The following FASN variants were observed in gnomAD, a reference collection of about 807,000 sequenced individuals.
FASN encodes the protein 3-hydroxyacyl-[acyl-carrier-protein] dehydratase.
A neutral mutation model predicts 250.0 loss-of-function variants in FASN; 50 were observed. The ratio of observed to expected loss-of-function variants is 0.20; its 90% CI spans 0.16 to 0.25. The LOEUF (loss-of-function observed/expected upper bound fraction) is 0.25. Among genes scored for constraint, FASN ranks in the 10% least tolerant of loss-of-function variants. The pLI is 1.00. For synonymous variants in FASN, 1,909 were observed against 1,584.0 expected (o/e 1.21, Z -4.87); for missense variants, 3,031 against 3,498.5 (o/e 0.87, Z 3.37).
chr17:82,087,001 C>T (rs780567268), intron 21 of FASN, 49 bp downstream of exon 21: 4 of 1,587,680 alleles, frequency 2.5e-6, no homozygotes, highest in Non-Finnish European at 3.4e-6. Flanking sequence ...GGGAGGCGAT[C>T]GCTCCTCATC....
At chr17:82,095,599 CA>C in intron 2 of FASN, 127 bp from the exon 3 acceptor site, 1 of 1,179,408 alleles carries the variant, frequency 8.5e-7, no homozygotes, top group Non-Finnish European at 1.2e-6. Flanking sequence ...CTGGGAGGCC[CA>C]AACAATGGAG....
Position 82,090,840 on chromosome 17 carries a change from C to T in FASN, c.1680+42G>A, listed in dbSNP as rs985846075. The T allele has an allele frequency of 1.9e-6, 3 of 1,551,764 alleles. No homozygotes were observed. In the African/African-American group the frequency reaches 4.1e-5, roughly 21 times the overall value. ...CTGGGCTCCAGGGAAAGCCAGAGCC[C>T]TGGGGCTGGCGTTGCTCACACGCTG... On this transcript the variant is annotated intron_variant, in intron 10 of 42. Transcript: ENST00000306749.
Position 82,085,416 on chromosome 17 carries a change from G to A in FASN, c.4123-14C>T, listed in dbSNP as rs751541243. 40 of 1,607,216 alleles carry A rather than the reference G, an allele frequency of 2.5e-5. No individual in the cohort carries two copies. Among genetic ancestry groups the A allele is most frequent in the Middle Eastern group, 3.5e-4 (2 of 5,752 alleles). On this transcript the variant is annotated splice_polypyrimidine_tract_variant and intron_variant, in intron 23 of 42. Coordinates refer to ENST00000306749, the MANE Select transcript of FASN (RefSeq NM_004104.5). ...CTCCCACGCGTCCTGTGGGGGCGGTGGTCAGCACCCTGCCCGCCTGGCCCT... is the reference window on the plus strand; with the variant it reads ...CTCCCACGCGTCCTGTGGGGGCGGTAGTCAGCACCCTGCCCGCCTGGCCCT...
Position 82,079,042 on chromosome 17 carries a change from G to T in FASN, c.*101C>A. On this transcript the variant is annotated 3_prime_UTR_variant, in exon 43 of 43. Transcript: ENST00000306749. ...GGGCAGTGGCACTGGGCCGGACAGG[G>T]TCCCACCGGCAGGACCCTTCAATCC... 5 of 1,314,158 alleles carry T rather than the reference G, an allele frequency of 3.8e-6. No individual in the cohort carries two copies. Among genetic ancestry groups the T allele is most frequent in the Non-Finnish European group, 5.1e-6 (5 of 975,680 alleles). The allele number at this position is 1,314,158 out of a possible 1,614,324, so 81.4% of individuals were successfully genotyped here.
At chr17:82,086,938 T>G in intron 21 of FASN, 112 bp downstream of exon 21, 1 of 1,218,720 alleles carries the variant, frequency 8.2e-7, no homozygotes, top group Non-Finnish European at 1.2e-6. Context: ...TGGGCTAGGG[T>G]TGCTGACCCC....
rs779839896 is a variant in FASN at position 82,079,130 on chromosome 17, C to G, written c.*13G>C. 1.2e-6 allele frequency: 2 copies of G among 1,607,956 alleles called. No individual in the cohort carries two copies. The highest frequency in any genetic ancestry group is 3.3e-5 in the Admixed American group (2 of 59,958). On this transcript the variant is annotated 3_prime_UTR_variant, in exon 43 of 43. Coordinates refer to ENST00000306749, the MANE Select transcript of FASN (RefSeq NM_004104.5). ...TGGTGGAGTGACCTCCGGTGGCAGG[C>G]GGGGGCACGGGCCTAGCCCTCCCGC...
Position 82,080,223 on chromosome 17 carries a change from G to A in FASN, c.7063C>T (p.Leu2355=), listed in dbSNP as rs1436762186. 2.5e-6 allele frequency: 4 copies of A among 1,613,142 alleles called. No individual in the cohort carries two copies. The highest frequency in any genetic ancestry group is 4.5e-5 in the East Asian group (2 of 44,894). ...LAYTQSYRAK[L]TPGCEAEAET... ...GCCTCAGCCTCACAGCCTGGGGTCAGCTTTGCCCGGTAGCTCTGAGAGGAA... is the reference window on the plus strand; with the variant it reads ...GCCTCAGCCTCACAGCCTGGGGTCAACTTTGCCCGGTAGCTCTGAGAGGAA... The change falls in exon 41 of 43, where the codon CTG becomes TTG. Residue 2355 remains leucine, a synonymous_variant. Coordinates refer to ENST00000306749, the MANE Select transcript of FASN (RefSeq NM_004104.5).
At position 82,088,996 on chromosome 17, in the gene FASN, C is replaced by T. The variant is rs2144798097; in HGVS notation, c.2277G>A (p.Leu759=). The change falls in exon 14 of 43, where the codon CTG becomes CTA. Residue 759 remains leucine (L), a synonymous_variant. Coordinates refer to ENST00000306749, the MANE Select transcript of FASN (RefSeq NM_004104.5). ...GCAGCAGGGCGTGGGGCGCGATCTC[C>T]AGCACCACCGCGTGCTCAGGCACGT... ...LWHVPEHAVV[L]EIAPHALLQA... The T allele has an allele frequency of 6.2e-7, 1 of 1,609,326 alleles. No homozygotes were observed. Among genetic ancestry groups the T allele is most frequent in the Admixed American group, 1.7e-5 (1 of 59,716 alleles).
chr17:82,086,971 A>G, intron 21 of FASN, 79 bp downstream of exon 21: 1 of 1,530,206 alleles, frequency 6.5e-7, no homozygotes, highest in South Asian at 1.2e-5. Flanking sequence ...GTGGAGAAGC[A>G]AGTCTGGGGT....
intron 41 of FASN, 82 bp downstream of exon 41, chr17:82,080,058 G>GTCCCA: frequency 7.0e-7 from 1 of 1,432,266 alleles, no homozygotes; most frequent in Non-Finnish European, 9.8e-7. Flanking sequence ...CGCTCTTCGC[G>GTCCCA]TCCCATCCCA....
At chr17:82,088,636 C>T (rs951034955) in intron 15 of FASN, 74 bp from the exon 16 acceptor site, 2 of 1,542,228 alleles carry the variant, frequency 1.3e-6, no homozygotes, top group African/African-American at 2.7e-5. Context: ...CCACCCACTG[C>T]CTGCGGTGGA....
intron 3 of FASN, chr17:82,094,212 G>A (rs1013613066): frequency 7.0e-6 from 2 of 287,560 alleles, no homozygotes; most frequent in Non-Finnish European, 1.4e-5. Flanking sequence ...GCCGTGATAA[G>A]GAACCGAGGA....
At position 82,091,248 on chromosome 17, in the gene FASN, T is replaced by A; in HGVS notation, c.1466A>T (p.Glu489Val). 6.2e-7 allele frequency: 1 copy of A among 1,600,792 alleles called. No individual in the cohort carries two copies. Reference protein sequence around the residue: ...GPEVQQVPAGERPLWFICSGM... With the variant: ...GPEVQQVPAGVRPLWFICSGM... ...AGAGCAGATGAACCAGAGCGGGCGC[T>A]CGCCAGCGGGCACCTGCTGCACCTC... Residue 489 changes from glutamate (E) to valine (V), a missense_variant, in exon 9 of 43, where the codon GAG (glutamate) becomes GTG (valine). Physicochemically the swap from Glu to Val is moderately radical, Grantham distance 121. Transcript: ENST00000306749.
Position 82,089,634 on chromosome 17 carries a change from G to T in FASN, c.1963C>A (p.Gln655Lys). 1 of 1,598,936 alleles carries T rather than the reference G, an allele frequency of 6.3e-7. No individual in the cohort carries two copies. Among genetic ancestry groups the T allele is most frequent in the Non-Finnish European group, 8.5e-7 (1 of 1,173,598 alleles). The change falls in exon 12 of 43, where the codon CAG becomes AAG. Residue 655 changes from glutamine to lysine, a missense_variant and splice_region_variant. Transcript: ENST00000306749. ...CCCGCCCAGGCCGCAGCACCCACCT[G>T]AGGTCCCGAGATGGTGACTGTGTCC... The part of the protein sequence containing the change: ...SKDTVTISGP[Q>K]APVFEFVEQL...
chr17:82,086,613 G>A (rs1013328000), intron 21 of FASN, 55 bp from the exon 22 acceptor site: 1 of 1,382,764 alleles, frequency 7.2e-7, no homozygotes, highest in Non-Finnish European at 1.0e-6. Flanking sequence ...GCATCTGCCT[G>A]GCATGGGCTC....
Position 82,081,332 on chromosome 17 carries a change from C to A in FASN, c.6427G>T (p.Val2143Phe). 6.4e-7 allele frequency: 1 copy of A among 1,558,738 alleles called. No individual in the cohort carries two copies. Residue 2143 changes from valine (V) to phenylalanine (F), a missense_variant, in exon 38 of 43, where the codon GTC (valine) becomes TTC (phenylalanine). Transcript: ENST00000306749. ...HILGIRDLAAVNLDSSLADLG... is the reference protein window; with the variant it reads ...HILGIRDLAAFNLDSSLADLG... ...TCCGCCAGTGAGCTGTCCAGGTTGA[C>A]AGCAGCCAAGTCGCGGATGCCTGGA...
At position 82,091,245 on chromosome 17, in the gene FASN, C is replaced by A. The variant is rs368171697; in HGVS notation, c.1469G>T (p.Arg490Leu). ...PEVQQVPAGE[R>L]PLWFICSGMG... is the part of the protein sequence containing the mutation. ...ACCAGAGCAGATGAACCAGAGCGGG[C>A]GCTCGCCAGCGGGCACCTGCTGCAC... Residue 490 changes from arginine (R) to leucine (L), a missense_variant, in exon 9 of 43, where the codon CGC (arginine) becomes CTC (leucine). Arg to Leu is a moderately radical substitution (Grantham distance 102). Transcript: ENST00000306749. The A allele has an allele frequency of 3.8e-6, 6 of 1,599,380 alleles. No individual in the cohort carries two copies. Among genetic ancestry groups the A allele is most frequent in the Non-Finnish European group, 5.1e-6 (6 of 1,173,876 alleles).
At chr17:82,081,035 G>T in intron 38 of FASN, 113 bp from the exon 39 acceptor site, 1 of 1,390,560 alleles carries the variant, frequency 7.2e-7, no homozygotes, top group Non-Finnish European at 9.9e-7. Context: ...GGTGGGAGTC[G>T]GGGTGGGAAC....
chr17:82,079,065 T>C lies in FASN; in HGVS notation c.*78A>G. On this transcript the variant is annotated 3_prime_UTR_variant, in exon 43 of 43. Transcript: ENST00000306749. ...GGGTCCCACCGGCAGGACCCTTCAA[T>C]CCCGTTGCATGGCGGGGGTGGGGTG... 1 of 1,421,990 alleles carries C rather than the reference T, an allele frequency of 7.0e-7. No individual in the cohort carries two copies. The highest frequency in any genetic ancestry group is 9.3e-7 in the Non-Finnish European group (1 of 1,073,110). 88.1% of individuals were successfully genotyped at this position (1,421,990 alleles called of 1,614,324 possible).
Sources: allele counts gnomAD v4.1 joint callset, GRCh38; gene constraint gnomAD v4.1.1; transcripts MANE v1.5; gene names NCBI Gene and HGNC (gene_info 2026-07-23, HGNC 2026-07-21).